Variants in RABGAP1L observed in about 807,000 individuals in gnomAD.
RABGAP1L encodes rab GTPase-activating protein 1-like.
A neutral mutation model predicts 137.7 loss-of-function variants in RABGAP1L; 63 were observed. The observed-to-expected ratio is 0.46, with a 90% CI of 0.37 to 0.56. RABGAP1L has a LOEUF of 0.56. Ranked by LOEUF, RABGAP1L falls within the 20% of genes least tolerant of loss-of-function variation. RABGAP1L has a pLI of 0.00. For missense variants in RABGAP1L, 1,095 were observed against 1,244.0 expected (o/e 0.88, Z 1.80); for synonymous variants, 431 against 433.7 (o/e 0.99, Z 0.08).
intron 20 of RABGAP1L, among the ~76,000 whole-genome samples, chr1:174,959,160 A>G (rs1002481183): frequency 5.9e-5 from 9 of 152,216 alleles, no homozygotes; most frequent in Non-Finnish European, 1.2e-4. Context: ...ATAACTATTA[A>G]CAGATAATGT....
In RABGAP1L at chr1:174,305,726, TTTTTTTCTATTTTA is replaced by T. The variant is rs1293836054; in HGVS notation, c.1465+616_1465+629del. Among the ~76,000 whole-genome samples the T allele has an allele frequency of 3.2e-4, 48 of 151,792 alleles. No individual in the cohort carries two copies. In the East Asian group the frequency reaches 5.7e-3, roughly 18 times the overall value. On this transcript the variant is annotated intron_variant, in intron 11 of 25. Transcript: ENST00000681986. Reference sequence around the variant, plus strand: ...AATTTTTTAGTTGTAATTATAGCCTTTTTTTTCTATTTTATTTTTTCTATTTTATTCTTTGCATA... The same window carrying T: ...AATTTTTTAGTTGTAATTATAGCCTTTTTTTTCTATTTTATTCTTTGCATA...
rs891535509 is a variant in RABGAP1L, at chr1:174,761,201, G to T, written c.2211+8847G>T. Among the ~76,000 whole-genome samples the T allele has an allele frequency of 1.3e-5, 2 of 152,206 alleles. No individual in the cohort carries two copies. The highest frequency in any genetic ancestry group is 1.3e-4 in the Admixed American group (2 of 15,278). On this transcript the variant is annotated intron_variant, in intron 18 of 25. Transcript: ENST00000681986. The surrounding 1 kb of genome is among the most constrained non-coding windows in gnomAD (Gnocchi z 4.0). ...CAGACAAAGAGAGAGGGCTTGTGTAGGGAAACTCTTGTTTTTATTTATTTA... is the reference window on the plus strand; with the variant it reads ...CAGACAAAGAGAGAGGGCTTGTGTATGGAAACTCTTGTTTTTATTTATTTA...
rs1461498602 is a variant in RABGAP1L at position 174,995,185 on chromosome 1, A to AAAT, written c.*5187_*5189dup. 1 of 152,242 alleles carries AAAT rather than the reference A, an allele frequency of 6.6e-6. No individual in the cohort carries two copies. Among genetic ancestry groups the AAAT allele is most frequent in the Non-Finnish European group, 1.5e-5 (1 of 68,040 alleles). The allele number at this position is 152,242 out of a possible 1,614,324, so 9.4% of individuals were successfully genotyped here. A position where few individuals can be genotyped will look rare whatever the true frequency, so the allele number is the denominator to read the frequency against. ...TTTTATGTGTGAATGAAGCCTTGTG[A>AAAT]AATAAACAAATGCAACTGAGAAGGT... is the stretch of plus-strand genomic sequence containing the variant. On this transcript the variant is annotated 3_prime_UTR_variant, in exon 26 of 26. Transcript: ENST00000681986.
chr1:174,531,366 T>C (rs1664388197), intron 13 of RABGAP1L, among the ~76,000 whole-genome samples: 1 of 151,982 alleles, frequency 6.6e-6, no homozygotes, highest in South Asian at 2.1e-4. Context: ...ATTGAAATAA[T>C]AGAGGAGGAA....
At chr1:174,671,759 A>G (rs1035059364) in intron 14 of RABGAP1L, among the ~76,000 whole-genome samples, 4 of 152,072 alleles carry the variant, frequency 2.6e-5, no homozygotes, top group Admixed American at 6.6e-5. Flanking sequence ...GTTGGCCTGT[A>G]GTTTTCTTTT....
At chr1:174,656,556 A>G (rs1368910963) in intron 14 of RABGAP1L, among the ~76,000 whole-genome samples, 3 of 152,242 alleles carry the variant, frequency 2.0e-5, no homozygotes, top group Admixed American at 1.3e-4. Flanking sequence ...GAACATTTCC[A>G]TCAGTCCAAA....
intron 14 of RABGAP1L, among the ~76,000 whole-genome samples, chr1:174,645,409 C>T (rs1674884310): frequency 7.0e-6 from 1 of 142,768 alleles, no homozygotes; most frequent in South Asian, 2.3e-4. Flanking sequence ...CCCCAACAGG[C>T]CCCAGTGTGT....
intron 1 of RABGAP1L, among the ~76,000 whole-genome samples, chr1:174,198,011 A>C (rs905291476): frequency 2.6e-5 from 4 of 152,218 alleles, no homozygotes; most frequent in Non-Finnish European, 5.9e-5. Context: ...ATTACATAGC[A>C]TACTCCTCTA....
At chr1:174,978,381 G>A (rs1670827936) in intron 22 of RABGAP1L, among the ~76,000 whole-genome samples, 1 of 152,134 alleles carries the variant, frequency 6.6e-6, no homozygotes, top group East Asian at 1.9e-4. Flanking sequence ...AGAGGTAACA[G>A]CAGTAAAGGT....
chr1:174,403,021 G>T (rs968116336), intron 13 of RABGAP1L, among the ~76,000 whole-genome samples: 2 of 151,880 alleles, frequency 1.3e-5, no homozygotes, highest in African/African-American at 4.8e-5. Context: ...GTAGTTGTGT[G>T]GTCTTTTGTA....
chr1:174,871,504 T>C (rs1652187978), intron 19 of RABGAP1L, among the ~76,000 whole-genome samples: 1 of 152,176 alleles, frequency 6.6e-6, no homozygotes, highest in African/African-American at 2.4e-5. Context: ...AACTGCAGGT[T>C]TTAACTGCAG....
At chr1:174,391,580 G>C (rs1020043516) in intron 12 of RABGAP1L, among the ~76,000 whole-genome samples, 1 of 152,088 alleles carries the variant, frequency 6.6e-6, no homozygotes, top group Non-Finnish European at 1.5e-5. Flanking sequence ...GGGCTCAAAC[G>C]ATCCGCCTGC....
intron 13 of RABGAP1L, among the ~76,000 whole-genome samples, chr1:174,569,009 G>A (rs1667793966): frequency 6.6e-6 from 1 of 152,146 alleles, no homozygotes; most frequent in Non-Finnish European, 1.5e-5. Context: ...CATGTTCACA[G>A]TAACCTTATA....
chr1:174,887,879 A>T (rs1191401873), intron 19 of RABGAP1L, among the ~76,000 whole-genome samples: 1 of 152,112 alleles, frequency 6.6e-6, no homozygotes, highest in Non-Finnish European at 1.5e-5. Context: ...TACCAAAAAA[A>T]TACAAAAATT....
chr1:174,253,232 G>C (rs923080089), intron 7 of RABGAP1L, among the ~76,000 whole-genome samples: 1 of 152,070 alleles, frequency 6.6e-6, no homozygotes, highest in Non-Finnish European at 1.5e-5. Flanking sequence ...TATGTAAAGA[G>C]GTCCTGATTC....
At chr1:174,634,707 A>G in intron 13 of RABGAP1L, among the ~76,000 whole-genome samples, 1 of 134,406 alleles carries the variant, frequency 7.4e-6, no homozygotes. Context: ...GCAGCCATAA[A>G]AAATGATGAG....
intron 13 of RABGAP1L, among the ~76,000 whole-genome samples, chr1:174,409,838 A>C (rs1350313652): frequency 6.6e-6 from 1 of 152,190 alleles, no homozygotes; most frequent in Non-Finnish European, 1.5e-5. Flanking sequence ...TTGAGGTCAG[A>C]CTGGTTCTCT....
intron 1 of RABGAP1L, among the ~76,000 whole-genome samples, chr1:174,184,529 TCATAAATTTA>T (rs1666649105): frequency 6.6e-6 from 1 of 152,192 alleles, no homozygotes. Context: ...TGAAATGACA[TCATAAATTTA>T]AATTCACTTA....
At chr1:174,438,613 G>T (rs1653716345) in intron 13 of RABGAP1L, among the ~76,000 whole-genome samples, 1 of 151,222 alleles carries the variant, frequency 6.6e-6, no homozygotes, top group South Asian at 2.1e-4. Context: ...AGCTACTTGG[G>T]AGGCTGAGGC....
Sources: allele counts gnomAD v4.1 joint callset (sites outside exome capture counted in the v4.1 genomes callset), GRCh38; gene constraint gnomAD v4.1.1; non-coding constraint Gnocchi (gnomAD v3.1); transcripts MANE v1.5; gene names NCBI Gene and HGNC (gene_info 2026-07-23, HGNC 2026-07-21).